Variants in IFT122 observed in about 807,000 individuals in gnomAD.
IFT122 encodes intraflagellar transport 122, also known as intraflagellar transport protein 122 homolog.
In IFT122, 118 loss-of-function variants were observed where a neutral mutation model predicts 161.6. The observed-to-expected ratio is 0.73, with a 90% confidence interval of 0.63 to 0.85. The LOEUF is 0.85. Ranked by LOEUF, IFT122 falls within the 40% of genes least tolerant of loss-of-function variation. IFT122 has a pLI of 0.00. For synonymous variants in IFT122, 550 were observed against 602.4 expected (o/e 0.91, Z 1.27); for missense variants, 1,381 against 1,579.6 (o/e 0.87, Z 2.13).
intron 9 of IFT122, 90 bp downstream of exon 9, chr3:129,469,507 TGTTA>T: frequency 1.0e-6 from 1 of 1,003,708 alleles, no homozygotes; most frequent in Non-Finnish European, 1.6e-6. Context: ...ACATTATCAT[TGTTA>T]GTTCCTGCTT....
chr3:129,491,653 G>A (rs898934859), intron 16 of IFT122, among the ~76,000 whole-genome samples: 7 of 152,156 alleles, frequency 4.6e-5, no homozygotes, highest in African/African-American at 1.7e-4. Flanking sequence ...CTCCCTCTGT[G>A]GTACCAGGGG....
chr3:129,500,653 G>T (rs890501784), intron 19 of IFT122, among the ~76,000 whole-genome samples: 5 of 152,202 alleles, frequency 3.3e-5, no homozygotes, highest in Non-Finnish European at 5.9e-5. Flanking sequence ...ATTCCAAGAG[G>T]TAAATAGAGA....
intron 18 of IFT122, among the ~76,000 whole-genome samples, chr3:129,497,900 A>C (rs932683337): frequency 3.3e-5 from 5 of 152,194 alleles, no homozygotes; most frequent in Admixed American, 6.5e-5. Context: ...TTACATTCCC[A>C]CGTACAAATA....
Position 129,488,282 on chromosome 3 carries a change from A to C in IFT122, c.1877A>C (p.Asp626Ala). ...TCCGCTCCCATGTACCAGTACCTGG[A>C]TAGGAAACTGTTCAAGGAAGCCTAC... ...PQSAPMYQYL[D>A]RKLFKEAYQI... is the part of the protein sequence containing the mutation. Residue 626 changes from aspartate to alanine, a missense_variant, in exon 16 of 30, where the codon GAT becomes GCT. Asp to Ala is a moderately radical substitution (Grantham distance 126, BLOSUM62 -2). Transcript: ENST00000348417. The C allele has an allele frequency of 6.2e-7, 1 of 1,614,104 alleles. No homozygotes were observed. The highest frequency in any genetic ancestry group is 8.5e-7 in the Non-Finnish European group (1 of 1,180,010).
intron 1 of IFT122, among the ~76,000 whole-genome samples, chr3:129,441,009 T>C (rs1448688709): frequency 1.3e-5 from 2 of 152,166 alleles, no homozygotes; most frequent in East Asian, 3.9e-4. Context: ...GTGCTCAAAA[T>C]GAGCACCAAA....
At chr3:129,501,672 C>G (rs1458547141) in intron 19 of IFT122, among the ~76,000 whole-genome samples, 1 of 152,218 alleles carries the variant, frequency 6.6e-6, no homozygotes, top group Non-Finnish European at 1.5e-5. Flanking sequence ...TCAAGAAACA[C>G]ATTAAGCATG....
chr3:129,449,255 T>A lies in IFT122; in HGVS notation c.42-616T>A, dbSNP rs377519895. 6.6e-5 allele frequency among the ~76,000 whole-genome samples: 10 copies of A among 152,332 alleles called. No homozygotes were observed. In the East Asian group the frequency reaches 1.2e-3, roughly 18 times the overall value. Reference sequence around the variant, plus strand: ...ATCCAATCTAATAGGTCATTGATTATAAAATACCATTGTTTTGTGTATCAA... The same window carrying A: ...ATCCAATCTAATAGGTCATTGATTAAAAAATACCATTGTTTTGTGTATCAA... On this transcript the variant is annotated intron_variant, in intron 1 of 29. Transcript: ENST00000348417.
rs1014404303 is a variant in IFT122, at chr3:129,520,388, G to C, written c.*123G>C. ...CCCAGATGAAGTTTGTGTTTTGTGG[G>C]GGGGGCCTTGTGTAACCACGGAATT... On this transcript the variant is annotated 3_prime_UTR_variant, in exon 30 of 30. Coordinates refer to ENST00000348417, the MANE Select transcript of IFT122 (RefSeq NM_052989.3). 7 of 808,060 alleles carry C rather than the reference G, an allele frequency of 8.7e-6. No individual in the cohort carries two copies. In the African/African-American group the frequency reaches 1.0e-4, roughly 12 times the overall value. 50.1% of individuals were successfully genotyped at this position (808,060 alleles called of 1,614,324 possible).
intron 9 of IFT122, among the ~76,000 whole-genome samples, chr3:129,471,861 T>C (rs1332554341): frequency 6.6e-6 from 1 of 152,240 alleles, no homozygotes; most frequent in Non-Finnish European, 1.5e-5. Context: ...GGCTTAATAA[T>C]AATAATAGCT....
Position 129,495,501 on chromosome 3 carries a change from C to G in IFT122, c.2102C>G (p.Ser701Cys). Residue 701 changes from serine to cysteine, a missense_variant, in exon 18 of 30, where the codon TCC (serine) becomes TGC (cysteine). Ser to Cys is a moderately radical substitution (Grantham distance 112). Around this residue, in one of 7 missense-constraint regions of IFT122, gnomAD observed 496 missense variants for 502.5 expected, o/e 0.99. Coordinates refer to ENST00000348417, the MANE Select transcript of IFT122 (RefSeq NM_052989.3). The part of the protein sequence containing the change: ...NNDLFLADVF[S>C]YQGKFHEAAK... ...GACCTGTTTCTGGCAGATGTGTTTTCCTACCAGGGGAAGTTCCATGAGGCC... is the reference window on the plus strand; with the variant it reads ...GACCTGTTTCTGGCAGATGTGTTTTGCTACCAGGGGAAGTTCCATGAGGCC... The G allele has an allele frequency of 6.2e-7, 1 of 1,614,184 alleles. No individual in the cohort carries two copies. The highest frequency in any genetic ancestry group is 8.5e-7 in the Non-Finnish European group (1 of 1,180,030).
At chr3:129,465,109 ATATGAG>A (rs2076577364) in intron 7 of IFT122, among the ~76,000 whole-genome samples, 1 of 128,178 alleles carries the variant, frequency 7.8e-6, no homozygotes, top group African/African-American at 3.2e-5. Context: ...GTGTACATGT[ATATGAG>A]TGTGTGTGTG....
Position 129,488,266 on chromosome 3 carries a change from A to G in IFT122, c.1861A>G (p.Met621Val). The change falls in exon 16 of 30, where the codon ATG (methionine) becomes GTG (valine). Residue 621 changes from methionine to valine, a missense_variant. By Grantham distance (21) the Met-to-Val change is conservative (BLOSUM62 1). Transcript: ENST00000348417. The part of the protein sequence containing the change: ...SAVEVPQSAP[M>V]YQYLDRKLFK... ...TGATGAAATCCTGCAGTCCGCTCCC[A>G]TGTACCAGTACCTGGATAGGAAACT... 2.5e-6 allele frequency: 4 copies of G among 1,614,144 alleles called. No homozygotes were observed. Among genetic ancestry groups the G allele is most frequent in the South Asian group, 1.1e-5 (1 of 91,090 alleles).
At chr3:129,454,516 TGTGTGTGTGTGTGTG>T (rs2075234388) in intron 3 of IFT122, among the ~76,000 whole-genome samples, 6 of 125,472 alleles carry the variant, frequency 4.8e-5, no homozygotes, top group Admixed American at 2.3e-4. Context: ...GTCATATTTG[TGTGTGTGTGTGTGTG>T]TGTGTGTGTG....
intron 18 of IFT122, among the ~76,000 whole-genome samples, chr3:129,499,551 T>C (rs2081285733): frequency 6.6e-6 from 1 of 152,240 alleles, no homozygotes; most frequent in African/African-American, 2.4e-5. Flanking sequence ...AGAGACAGCC[T>C]GATCATGAAC....
chr3:129,484,201 T>TG (rs902644334), intron 15 of IFT122, among the ~76,000 whole-genome samples: 9 of 151,678 alleles, frequency 5.9e-5, no homozygotes, highest in Non-Finnish European at 4.4e-5. Context: ...CACTGAAGGG[T>TG]GGAGCCACAG....
chr3:129,455,184 T>G (rs1318607655), intron 3 of IFT122, among the ~76,000 whole-genome samples: 1 of 152,058 alleles, frequency 6.6e-6, no homozygotes, highest in Non-Finnish European at 1.5e-5. Context: ...TTTTTGTTTT[T>G]TTTTTTGAGA....
In IFT122 at chr3:129,520,395, C is replaced by T. The variant is rs2084608850; in HGVS notation, c.*130C>T. The T allele has an allele frequency of 5.2e-5, 39 of 750,724 alleles. 1 individual carries two copies. In the South Asian group the frequency reaches 5.7e-4, roughly 11 times the overall value. 46.5% of individuals were successfully genotyped at this position (750,724 alleles called of 1,614,324 possible). On this transcript the variant is annotated 3_prime_UTR_variant, in exon 30 of 30. Coordinates refer to ENST00000348417, the MANE Select transcript of IFT122 (RefSeq NM_052989.3). Reference sequence around the variant, plus strand: ...GAAGTTTGTGTTTTGTGGGGGGGGCCTTGTGTAACCACGGAATTCCTATTT... The same window carrying T: ...GAAGTTTGTGTTTTGTGGGGGGGGCTTTGTGTAACCACGGAATTCCTATTT...
intron 18 of IFT122, among the ~76,000 whole-genome samples, chr3:129,496,725 C>T (rs577844756): frequency 1.3e-5 from 2 of 152,258 alleles, no homozygotes; most frequent in East Asian, 3.9e-4. Flanking sequence ...TTCTTCACTC[C>T]GTACCTGAGA....
rs145441726 is a variant in IFT122 at position 129,489,008 on chromosome 3, G to A, written c.1992+611G>A. On this transcript the variant is annotated intron_variant, in intron 16 of 29. Transcript: ENST00000348417. ...ACATCTGACCCCTCTCTGCACATAA[G>A]GAAAAGCCCAGGTATGTTCCTGAGC... Among the ~76,000 whole-genome samples, 598 of 152,192 alleles carry A rather than the reference G, an allele frequency of 3.9e-3. 2 individuals carry two copies. Among genetic ancestry groups the A allele is most frequent in the African/African-American group, 0.013 (541 of 41,528 alleles).
Sources: gnomAD v4.1 joint callset for allele counts (sites outside exome capture counted in the v4.1 genomes callset) on GRCh38, gnomAD v4.1.1 for gene constraint, gnomAD v4.1.1 regional missense constraint, MANE v1.5 for transcripts, NCBI Gene and HGNC (gene_info 2026-07-23, HGNC 2026-07-21) for gene names.